FRMD4A: variants seen among roughly 807,000 people sequenced by gnomAD.
FRMD4A encodes the protein FERM domain-containing protein 4A.
A neutral mutation model predicts 129.1 loss-of-function variants in FRMD4A; 29 were observed. The ratio of observed to expected loss-of-function variants is 0.22; its 90% confidence interval spans 0.17 to 0.31. The LOEUF (loss-of-function observed/expected upper bound fraction) is 0.31, where lower values mean the gene tolerates loss of function less well. Ranked by LOEUF, FRMD4A falls within the 10% of genes least tolerant of loss-of-function variation. The pLI is 1.00. For synonymous variants in FRMD4A, 634 were observed against 571.6 expected, an observed-to-expected ratio of 1.11 and a Z score of -1.56; for missense variants, 1,272 against 1,375.8, an observed-to-expected ratio of 0.92 and a Z score of 1.19.
At chr10:13,825,043 C>T (rs1046068151) in intron 3 of FRMD4A, among the ~76,000 whole-genome samples, 37 of 152,108 alleles carry the variant, frequency 2.4e-4, no homozygotes, top group African/African-American at 6.5e-4. Flanking sequence ...CAGTAGATAC[C>T]TGAAACCATG....
intron 2 of FRMD4A, among the ~76,000 whole-genome samples, chr10:13,906,362 C>T (rs1176791118): frequency 6.6e-6 from 1 of 152,164 alleles, no homozygotes; most frequent in Non-Finnish European, 1.5e-5. Flanking sequence ...GTAGCTGACT[C>T]CTGAGGTTTG....
intron 2 of FRMD4A, among the ~76,000 whole-genome samples, chr10:14,188,810 G>A (rs556357956): frequency 2.0e-5 from 3 of 152,356 alleles, no homozygotes; most frequent in African/African-American, 7.2e-5. Context: ...GGAGGCTGGG[G>A]TGGGAGGATC....
At chr10:14,089,291 G>A (rs986185575) in intron 2 of FRMD4A, among the ~76,000 whole-genome samples, 1 of 152,134 alleles carries the variant, frequency 6.6e-6, no homozygotes, top group African/African-American at 2.4e-5. Flanking sequence ...CGTGACCACC[G>A]TTGGCTGACT....
chr10:13,955,112 C>CTTTTTTTTTTTTTTTTTTTTTTTTT (rs71388139), intron 2 of FRMD4A, among the ~76,000 whole-genome samples: 1 of 102,974 alleles, frequency 9.7e-6, no homozygotes, highest in Non-Finnish European at 1.8e-5. Flanking sequence ...AATAATTCTG[C>CTTTTTTTTTTTTTTTTTTTTTTTTT]TTTTTTTTTT....
intron 2 of FRMD4A, among the ~76,000 whole-genome samples, chr10:14,105,022 G>A (rs535393829): frequency 4.5e-4 from 68 of 152,268 alleles, no homozygotes; most frequent in African/African-American, 1.5e-3. Flanking sequence ...TCCCCACGCC[G>A]CAGGGCCCTT....
intron 2 of FRMD4A, among the ~76,000 whole-genome samples, chr10:14,039,465 T>C (rs958369218): frequency 3.1e-5 from 2 of 65,096 alleles, no homozygotes; most frequent in African/African-American, 1.1e-4. Flanking sequence ...AATCTATCTA[T>C]CTATCTATCT....
At chr10:14,039,407 C>CTATCTATCTATCTATCTATCTATCT (rs1833672639) in intron 2 of FRMD4A, among the ~76,000 whole-genome samples, 15 of 147,700 alleles carry the variant, frequency 1.0e-4, no homozygotes, top group African/African-American at 3.9e-4. Context: ...TCCATCCATC[C>CTATCTATCTATCTATCTATCTATCT]ATCTATCTAT....
At chr10:13,712,732 C>A (rs1472528302) in intron 12 of FRMD4A, among the ~76,000 whole-genome samples, 1 of 152,166 alleles carries the variant, frequency 6.6e-6, no homozygotes, top group African/African-American at 2.4e-5. Flanking sequence ...TGTTCTGGGC[C>A]TCAGTATCTT....
chr10:13,783,024 T>G lies in FRMD4A; in HGVS notation c.300-18A>C, dbSNP rs371564968. On this transcript the variant is annotated intron_variant, in intron 5 of 24. Coordinates refer to ENST00000357447, the MANE Select transcript of FRMD4A (RefSeq NM_018027.5). ...TATAGAACCTGAAAGAGAAAAATGG[T>G]GCGTGAACCACAGAAACAGCAGGTG... The G allele has an allele frequency of 1.2e-5, 11 of 937,900 alleles. No individual in the cohort carries two copies. The African/African-American group carries it at 1.6e-4, about 14-fold the overall frequency. 58.1% of individuals were successfully genotyped at this position (937,900 alleles called of 1,614,324 possible).
chr10:14,156,694 A>G (rs1214511907), intron 2 of FRMD4A, among the ~76,000 whole-genome samples: 1 of 152,192 alleles, frequency 6.6e-6, no homozygotes, highest in Admixed American at 6.5e-5. Context: ...TCATGATTTT[A>G]GCAAATCAGC....
At chr10:14,013,692 G>T (rs946252560) in intron 2 of FRMD4A, among the ~76,000 whole-genome samples, 1 of 152,130 alleles carries the variant, frequency 6.6e-6, no homozygotes, top group Admixed American at 6.5e-5. Flanking sequence ...AGCACTTTGG[G>T]AGGCTGAGGC....
chr10:13,645,840 G>C lies in FRMD4A; in HGVS notation c.*1198C>G, dbSNP rs1376625104. The C allele has an allele frequency of 6.6e-6, 1 of 152,600 alleles. No homozygotes were observed. The highest frequency in any genetic ancestry group is 1.9e-4 in the East Asian group (1 of 5,204). 9.5% of individuals were successfully genotyped at this position (152,600 alleles called of 1,614,324 possible). On this transcript the variant is annotated 3_prime_UTR_variant, in exon 25 of 25. Transcript: ENST00000357447. ...ACGACAGTTAAACACTGAATGGATC[G>C]CAATGTGCTTTTCCCTTGGTTTCCC...
intron 2 of FRMD4A, among the ~76,000 whole-genome samples, chr10:13,965,247 C>A (rs181956158): frequency 6.6e-6 from 1 of 152,262 alleles, no homozygotes; most frequent in East Asian, 1.9e-4. Context: ...ACTCGCCCAC[C>A]TTGTTCATGA....
intron 2 of FRMD4A, among the ~76,000 whole-genome samples, chr10:13,922,171 CACAGTG>C (rs1291193525): frequency 2.0e-5 from 3 of 152,102 alleles, no homozygotes; most frequent in Non-Finnish European, 4.4e-5. Context: ...CAGCCTGCAG[CACAGTG>C]AGAAATAAAT....
chr10:13,827,058 G>A (rs1450593158), intron 3 of FRMD4A, among the ~76,000 whole-genome samples: 1 of 152,172 alleles, frequency 6.6e-6, no homozygotes, highest in African/African-American at 2.4e-5. Flanking sequence ...CACAGAATAG[G>A]GGGATTAGGA....
intron 3 of FRMD4A, among the ~76,000 whole-genome samples, chr10:13,825,199 T>C (rs926122067): frequency 1.3e-5 from 2 of 152,360 alleles, no homozygotes; most frequent in South Asian, 4.1e-4. Context: ...CCAGCATCAC[T>C]ACACTTGCAC....
chr10:13,902,927 C>G (rs556426592), intron 2 of FRMD4A, among the ~76,000 whole-genome samples: 1 of 151,792 alleles, frequency 6.6e-6, no homozygotes. Flanking sequence ...TGATTCTTAG[C>G]TTGGGTTAGG....
chr10:14,037,377 C>T (rs1219572167), intron 2 of FRMD4A, among the ~76,000 whole-genome samples: 1 of 152,118 alleles, frequency 6.6e-6, no homozygotes, highest in Non-Finnish European at 1.5e-5. Context: ...ACCACCATGT[C>T]CACCTAATTT....
chr10:14,142,160 T>C (rs1023558585), intron 2 of FRMD4A, among the ~76,000 whole-genome samples: 1 of 137,190 alleles, frequency 7.3e-6, no homozygotes, highest in African/African-American at 3.6e-5. Flanking sequence ...AGTTTTTTTT[T>C]TGTTGTTTTG....
Sources: gnomAD v4.1 joint callset for allele counts (sites outside exome capture counted in the v4.1 genomes callset) on GRCh38, gnomAD v4.1.1 for gene constraint, MANE v1.5 for transcripts, NCBI Gene and HGNC (gene_info 2026-07-23, HGNC 2026-07-21) for gene names.